The following GABRB1 variants were observed in gnomAD, a reference collection of about 807,000 sequenced individuals.
GABRB1 encodes the protein gamma-aminobutyric acid receptor subunit beta-1.
GABRB1 carries 17 observed loss-of-function variants against 51.6 expected under a neutral mutation model. The ratio of observed to expected loss-of-function variants is 0.33; its 90% CI spans 0.23 to 0.49. The LOEUF (loss-of-function observed/expected upper bound fraction) is 0.49. Ranked by LOEUF, GABRB1 falls within the 20% of genes least tolerant of loss-of-function variation. The pLI is 0.99. For missense variants in GABRB1, 410 were observed against 600.6 expected (o/e 0.68, Z 3.32); for synonymous variants, 247 against 218.9 (o/e 1.13, Z -1.14).
At chr4:47,177,707 T>C (rs1200274926) in intron 4 of GABRB1, among the ~76,000 whole-genome samples, 1 of 152,128 alleles carries the variant, frequency 6.6e-6, no homozygotes, top group Non-Finnish European at 1.5e-5. Flanking sequence ...GACCTAAAAC[T>C]GACTCCTCAA....
intron 5 of GABRB1, among the ~76,000 whole-genome samples, chr4:47,334,255 A>G (rs1183475274): frequency 3.3e-5 from 5 of 152,114 alleles, no homozygotes; most frequent in Admixed American, 2.6e-4. Context: ...ATAAATAATA[A>G]TTTTAAGAAA....
At chr4:47,371,018 A>C (rs1056319136) in intron 5 of GABRB1, among the ~76,000 whole-genome samples, 5 of 152,048 alleles carry the variant, frequency 3.3e-5, no homozygotes, top group Admixed American at 6.6e-5. Context: ...TGGTTTGCTG[A>C]ACAGATCAAC....
intron 4 of GABRB1, among the ~76,000 whole-genome samples, chr4:47,236,276 G>A (rs965514780): frequency 1.3e-5 from 2 of 151,888 alleles, no homozygotes; most frequent in Non-Finnish European, 2.9e-5. Context: ...TAAAGACACA[G>A]CAGTAAACAG....
chr4:47,176,903 T>C (rs1161509503), intron 4 of GABRB1, among the ~76,000 whole-genome samples: 2 of 152,132 alleles, frequency 1.3e-5, no homozygotes, highest in South Asian at 4.1e-4. Context: ...ACAGTCACAT[T>C]TCATTCCTTC....
At chr4:47,261,813 C>G (rs1722451287) in intron 4 of GABRB1, among the ~76,000 whole-genome samples, 1 of 152,170 alleles carries the variant, frequency 6.6e-6, no homozygotes, top group South Asian at 2.1e-4. Flanking sequence ...CTACAGTAAC[C>G]AAAACAGCAT....
chr4:47,228,136 A>T (rs1472784770), intron 4 of GABRB1, among the ~76,000 whole-genome samples: 1 of 152,142 alleles, frequency 6.6e-6, no homozygotes, highest in Non-Finnish European at 1.5e-5. Context: ...TGTGCAAATT[A>T]CATCAACCTC....
chr4:47,185,457 T>C (rs1483862450), intron 4 of GABRB1, among the ~76,000 whole-genome samples: 1 of 151,740 alleles, frequency 6.6e-6, no homozygotes, highest in Admixed American at 6.6e-5. Flanking sequence ...ATGAAATCAG[T>C]CACATGCAGT....
Position 47,297,635 on chromosome 4 carries a change from GA to G in GABRB1, c.462-22491del, listed in dbSNP as rs1471990267. On this transcript the variant is annotated intron_variant, in intron 4 of 8. Coordinates refer to ENST00000295454, the MANE Select transcript of GABRB1 (RefSeq NM_000812.4). ...TAATCAATAGCTTACCAACCAAAAAGAGTCCAGGACCAGATGGATTCACAGC... is the reference window on the plus strand; with the variant it reads ...TAATCAATAGCTTACCAACCAAAAAGGTCCAGGACCAGATGGATTCACAGC... Among the ~76,000 whole-genome samples, 11 of 152,158 alleles carry G rather than the reference GA, an allele frequency of 7.2e-5. No homozygotes were observed. In the East Asian group the frequency reaches 2.1e-3, roughly 29 times the overall value.
chr4:47,199,424 G>T (rs1447090835), intron 4 of GABRB1, among the ~76,000 whole-genome samples: 2 of 152,092 alleles, frequency 1.3e-5, no homozygotes, highest in Non-Finnish European at 2.9e-5. Context: ...CAGAAGTCAG[G>T]AATAAAGATG....
chr4:47,409,802 A>C (rs765734460), intron 8 of GABRB1, among the ~76,000 whole-genome samples: 68 of 152,262 alleles, frequency 4.5e-4, no homozygotes, highest in Non-Finnish European at 7.9e-4. Flanking sequence ...AAAAGACTAC[A>C]AAACAAACTT....
intron 5 of GABRB1, among the ~76,000 whole-genome samples, chr4:47,334,179 G>A (rs548698514): frequency 6.6e-6 from 1 of 152,152 alleles, no homozygotes; most frequent in East Asian, 1.9e-4. Context: ...TACTAATGCT[G>A]TTGGTTGATG....
rs1721616494 is a variant in GABRB1 at position 47,243,509 on chromosome 4, C to T, written c.462-76618C>T. 3.9e-5 allele frequency among the ~76,000 whole-genome samples: 6 copies of T among 152,170 alleles called. 1 individual carries two copies. In the South Asian group the frequency reaches 1.2e-3, roughly 32 times the overall value. ...GCCATTTTCACAATATTGATTCTTC[C>T]TACCCATGAGCATGGAATGTTCTTC... On this transcript the variant is annotated intron_variant, in intron 4 of 8. Coordinates refer to ENST00000295454, the MANE Select transcript of GABRB1 (RefSeq NM_000812.4).
chr4:47,242,463 C>T (rs988009744), intron 4 of GABRB1, among the ~76,000 whole-genome samples: 6 of 152,254 alleles, frequency 3.9e-5, no homozygotes, highest in African/African-American at 1.4e-4. Flanking sequence ...AATCACCACA[C>T]TGTCTTCCAC....
intron 3 of GABRB1, among the ~76,000 whole-genome samples, chr4:47,066,234 C>A (rs1448010905): frequency 6.6e-6 from 1 of 152,136 alleles, no homozygotes; most frequent in Non-Finnish European, 1.5e-5. Context: ...AATGCATGTA[C>A]CTTAATTTAA....
intron 5 of GABRB1, among the ~76,000 whole-genome samples, chr4:47,371,402 G>A (rs1444349761): frequency 6.6e-6 from 1 of 152,130 alleles, no homozygotes; most frequent in Non-Finnish European, 1.5e-5. Flanking sequence ...CAACATACAC[G>A]TGCATGTACA....
At chr4:47,001,377 C>T (rs763009840) in intron 1 of GABRB1, among the ~76,000 whole-genome samples, 12 of 152,212 alleles carry the variant, frequency 7.9e-5, no homozygotes, top group East Asian at 1.9e-4. Flanking sequence ...CTCCTGACCT[C>T]GTGATTCTCC....
intron 4 of GABRB1, among the ~76,000 whole-genome samples, chr4:47,293,400 A>G (rs1723837539): frequency 1.3e-5 from 2 of 152,124 alleles, no homozygotes; most frequent in African/African-American, 4.8e-5. Flanking sequence ...CGGCCTCCCA[A>G]AGTGCTGGGA....
At chr4:47,217,628 CT>C (rs1399432175) in intron 4 of GABRB1, among the ~76,000 whole-genome samples, 1 of 151,656 alleles carries the variant, frequency 6.6e-6, no homozygotes, top group African/African-American at 2.4e-5. Context: ...CTCTCATACT[CT>C]CTTTATTTCC....
chr4:47,116,849 C>T (rs998441936), intron 3 of GABRB1, among the ~76,000 whole-genome samples: 17 of 152,054 alleles, frequency 1.1e-4, no homozygotes, highest in African/African-American at 4.1e-4. Context: ...TTCAGGGAAA[C>T]TTACAATCAT....
Sources: gnomAD v4.1 joint callset for allele counts (sites outside exome capture counted in the v4.1 genomes callset) on GRCh38, gnomAD v4.1.1 for gene constraint, MANE v1.5 for transcripts, NCBI Gene and HGNC (gene_info 2026-07-23, HGNC 2026-07-21) for gene names.